The following IL1RL1 variants were observed in gnomAD, a reference collection of about 807,000 sequenced individuals.
The protein encoded by IL1RL1 is interleukin-1 receptor-like 1.
IL1RL1 carries 32 observed loss-of-function variants against 50.9 expected under a neutral mutation model. The observed-to-expected ratio is 0.63, with a 90% CI of 0.47 to 0.84. The LOEUF is 0.84. IL1RL1 is among the 40% of genes least tolerant of loss of function. IL1RL1 has a pLI of 0.00. For missense variants in IL1RL1, 773 were observed against 662.9 expected, an observed-to-expected ratio of 1.17 and a Z score of -1.82; for synonymous variants, 275 against 236.0, an observed-to-expected ratio of 1.17 and a Z score of -1.51.
Position 102,315,544 on chromosome 2 carries a change from G to A in IL1RL1, c.-150+3921G>A, listed in dbSNP as rs182569472. 1.6e-4 allele frequency among the ~76,000 whole-genome samples: 25 copies of A among 152,274 alleles called. No individual in the cohort carries two copies. In the East Asian group the frequency reaches 4.0e-3, roughly 25 times the overall value. ...AACAGTGAGCTTATGGGTAAAGACC[G>A]AGACTTTAGTGAGGAATTCCCTCAT... On this transcript the variant is annotated intron_variant, in intron 1 of 10. Coordinates refer to ENST00000233954, the MANE Select transcript of IL1RL1 (RefSeq NM_016232.5).
At position 102,311,987 on chromosome 2, in the gene IL1RL1, ATTATATAT is replaced by A. The variant is rs1676514394; in HGVS notation, c.-150+365_-150+372del. ...ATATATAATATTATATATAATATAT[ATTATATAT>A]AATATATTTATATATATTATATATA... On this transcript the variant is annotated intron_variant, in intron 1 of 10. Transcript: ENST00000233954. Among the ~76,000 whole-genome samples, 2 of 43,002 alleles carry A rather than the reference ATTATATAT, an allele frequency of 4.7e-5. 1 individual carries two copies. Among genetic ancestry groups the A allele is most frequent in the East Asian group, 1.3e-3 (2 of 1,540 alleles). The allele number at this position is 43,002 out of a possible 152,430, so 28.2% of individuals were successfully genotyped here. A position where few individuals can be genotyped will look rare whatever the true frequency, so the allele number is the denominator to read the frequency against.
intron 5 of IL1RL1, chr2:102,341,239 C>A: frequency 8.2e-7 from 1 of 1,225,984 alleles, no homozygotes; most frequent in Non-Finnish European, 1.0e-6. Context: ...TTTAGTAATA[C>A]TCATTGGATT....
chr2:102,336,846 AC>A (rs1677343752), intron 1 of IL1RL1, among the ~76,000 whole-genome samples: 1 of 152,068 alleles, frequency 6.6e-6, no homozygotes, highest in Non-Finnish European at 1.5e-5. Flanking sequence ...CCTCTCCCCC[AC>A]CTTTGCTTTT....
In IL1RL1 at chr2:102,330,143, G is replaced by A. The variant is rs554015430; in HGVS notation, c.-149-7973G>A. On this transcript the variant is annotated intron_variant, in intron 1 of 10. Coordinates refer to ENST00000233954, the MANE Select transcript of IL1RL1 (RefSeq NM_016232.5). ...AGAAAATGTGGTACATGTACACCAT[G>A]GAATACTATGCAGCCATAAAAAGAT... 3.3e-5 allele frequency among the ~76,000 whole-genome samples: 5 copies of A among 152,342 alleles called. No homozygotes were observed. In the East Asian group the frequency reaches 9.6e-4, roughly 29 times the overall value.
At chr2:102,337,918 A>G (rs187231578) in intron 1 of IL1RL1, among the ~76,000 whole-genome samples, 198 bp from the exon 2 acceptor site, 136 of 152,310 alleles carry the variant, frequency 8.9e-4, no homozygotes, top group African/African-American at 3.0e-3. Flanking sequence ...GTGAAATAGC[A>G]TGATCATTGT....
rs113709807 is a variant in IL1RL1, at chr2:102,344,284, G to A, written c.970+869G>A. 5.8e-4 allele frequency: 200 copies of A among 342,464 alleles called. 1 individual carries two copies. The East Asian group carries it at 9.9e-3, about 17-fold the overall frequency. 21.2% of individuals were successfully genotyped at this position (342,464 alleles called of 1,614,324 possible). On this transcript the variant is annotated intron_variant, in intron 8 of 10. Coordinates refer to ENST00000233954, the MANE Select transcript of IL1RL1 (RefSeq NM_016232.5). ...ATCACCTCCCACCAGGCTCCACCTC[G>A]AATACTGGGGATTACCATTCAGCAT...
At chr2:102,315,771 A>G (rs903201302) in intron 1 of IL1RL1, among the ~76,000 whole-genome samples, 1 of 152,232 alleles carries the variant, frequency 6.6e-6, no homozygotes, top group African/African-American at 2.4e-5. Context: ...TAGAGGAATT[A>G]TCTAGAAAAC....
intron 1 of IL1RL1, among the ~76,000 whole-genome samples, chr2:102,331,704 C>A (rs961422243): frequency 1.3e-5 from 2 of 152,158 alleles, no homozygotes; most frequent in African/African-American, 4.8e-5. Flanking sequence ...CTGTTTAGAT[C>A]CATATATAAA....
intron 1 of IL1RL1, among the ~76,000 whole-genome samples, chr2:102,311,891 A>C (rs1285823085): frequency 5.7e-5 from 2 of 35,214 alleles, no homozygotes; most frequent in Non-Finnish European, 1.1e-4. Flanking sequence ...TATAATATAT[A>C]ATATATCATA....
chr2:102,312,407 A>G (rs1034889926), intron 1 of IL1RL1, among the ~76,000 whole-genome samples: 3 of 151,852 alleles, frequency 2.0e-5, no homozygotes, highest in Non-Finnish European at 4.4e-5. Flanking sequence ...TGTTTGTGTA[A>G]TATGGGACTT....
intron 6 of IL1RL1, 66 bp downstream of exon 6, chr2:102,342,360 T>C: frequency 8.8e-7 from 1 of 1,131,888 alleles, no homozygotes; most frequent in Non-Finnish European, 1.3e-6. Flanking sequence ...ACCCCTGTTC[T>C]GAATTCCCTT....
chr2:102,332,313 C>A (rs558186949), intron 1 of IL1RL1, among the ~76,000 whole-genome samples: 1 of 152,186 alleles, frequency 6.6e-6, no homozygotes, highest in East Asian at 1.9e-4. Context: ...GGAGACATTG[C>A]AATTCAAAAT....
At chr2:102,341,331 T>C (rs1559604176) in intron 5 of IL1RL1, 4 of 1,242,056 alleles carry the variant, frequency 3.2e-6, no homozygotes, top group East Asian at 6.3e-5. Flanking sequence ...TTGTTTGCAA[T>C]ACTTTCAACA....
At chr2:102,350,295 C>T (rs749026977) in intron 10 of IL1RL1, among the ~76,000 whole-genome samples, 2 of 152,256 alleles carry the variant, frequency 1.3e-5, no homozygotes, top group Non-Finnish European at 2.9e-5. Flanking sequence ...CATCTGGCCA[C>T]AAGCTCTTCA....
chr2:102,334,305 G>A (rs779609715), intron 1 of IL1RL1, among the ~76,000 whole-genome samples: 1 of 152,104 alleles, frequency 6.6e-6, no homozygotes, highest in African/African-American at 2.4e-5. Context: ...TTGGAGGGGA[G>A]GATTGGGTGA....
At chr2:102,334,236 C>T (rs566582151) in intron 1 of IL1RL1, among the ~76,000 whole-genome samples, 2 of 152,290 alleles carry the variant, frequency 1.3e-5, no homozygotes, top group South Asian at 4.1e-4. Flanking sequence ...CATATCCATG[C>T]CAACATCTGC....
In IL1RL1 at chr2:102,338,160, A is replaced by T. The variant is rs1413838241; in HGVS notation, c.-105A>T. 1.5e-6 allele frequency: 1 copy of T among 665,888 alleles called. No homozygotes were observed. The highest frequency in any genetic ancestry group is 2.7e-6 in the Non-Finnish European group (1 of 374,302). 41.2% of individuals were successfully genotyped at this position (665,888 alleles called of 1,614,324 possible). ...TCCCAACTCAGTCTTGAAGAGTATC[A>T]CCAACTGCCTCATGTGTGGTGACCT... On this transcript the variant is annotated 5_prime_UTR_variant, in exon 2 of 11. Coordinates refer to ENST00000233954, the MANE Select transcript of IL1RL1 (RefSeq NM_016232.5).
At chr2:102,342,690 G>T (rs1267472150) in intron 6 of IL1RL1, among the ~76,000 whole-genome samples, 1 of 152,138 alleles carries the variant, frequency 6.6e-6, no homozygotes, top group Non-Finnish European at 1.5e-5. Flanking sequence ...ATGTGGAAGA[G>T]GGCAGTTGGA....
intron 10 of IL1RL1, among the ~76,000 whole-genome samples, chr2:102,350,868 C>T (rs924267918): frequency 5.3e-5 from 8 of 152,146 alleles, no homozygotes; most frequent in African/African-American, 1.4e-4. Context: ...GTTTTATTCA[C>T]GGTTGTGCTT....
Sources: allele counts gnomAD v4.1 joint callset (sites outside exome capture counted in the v4.1 genomes callset), GRCh38; gene constraint gnomAD v4.1.1; transcripts MANE v1.5; gene names NCBI Gene and HGNC (gene_info 2026-07-23, HGNC 2026-07-21).